The following KARS1 variants were observed in gnomAD, a reference collection of about 807,000 sequenced individuals.
The protein encoded by KARS1 is lysyl-tRNA synthetase 1.
A neutral mutation model predicts 63.9 loss-of-function variants in KARS1; 50 were observed. The ratio of observed to expected loss-of-function variants is 0.78; its 90% CI spans 0.62 to 0.99. The LOEUF (loss-of-function observed/expected upper bound fraction) is 0.99. KARS1 is among the 50% of genes least tolerant of loss of function. The probability of loss-of-function intolerance (pLI) is 0.00; values close to 1 mark genes in which losing one functional copy is unlikely to be tolerated. For missense variants in KARS1, 816 were observed against 754.5 expected (o/e 1.08, Z -0.95); for synonymous variants, 320 against 264.6 (o/e 1.21, Z -2.03).
In KARS1 at chr16:75,636,041, G is replaced by T; in HGVS notation, c.540C>A (p.Asp180Glu). 1 of 1,609,358 alleles carries T rather than the reference G, an allele frequency of 6.2e-7. No individual in the cohort carries two copies. The highest frequency in any genetic ancestry group is 8.5e-7 in the Non-Finnish European group (1 of 1,175,726). ...IHINNKLRRGDIIGVQGNPGK... is the reference protein window; with the variant it reads ...IHINNKLRRGEIIGVQGNPGK... ...CAGGATTCCCCTGAACTCCAATTAT[G>T]TCTCCCCGACGCAGTTTGTTATTAA... The change falls in exon 5 of 14, where the codon GAC (aspartate) becomes GAA (glutamate). Residue 180 changes from aspartate to glutamate, a missense_variant. Coordinates refer to ENST00000302445, the MANE Select transcript of KARS1 (RefSeq NM_005548.3).
intron 2 of KARS1, 105 bp from the exon 3 acceptor site, chr16:75,640,454 C>A: frequency 9.4e-7 from 1 of 1,059,916 alleles, no homozygotes. Context: ...GACCCCAATA[C>A]ATTGTTTTCT....
chr16:75,645,641 G>C (rs2082272278), intron 1 of KARS1, among the ~76,000 whole-genome samples: 1 of 152,138 alleles, frequency 6.6e-6, no homozygotes, highest in African/African-American at 2.4e-5. Flanking sequence ...GAGCTCAGCA[G>C]TTTGACGCCA....
Position 75,635,710 on chromosome 16 carries a change from T to C in KARS1, c.765A>G (p.Arg255=). 6.2e-7 allele frequency: 1 copy of C among 1,614,110 alleles called. No individual in the cohort carries two copies. Among genetic ancestry groups the C allele is most frequent in the Non-Finnish European group, 8.5e-7 (1 of 1,179,986 alleles). ...GGAATCCCAGCTCATCTAAGAAACT[T>C]CTTATATATGTGATGATCTTAGAGC... The part of the protein sequence containing the change: ...IIRSKIITYI[R]SFLDELGFLE... The change falls in exon 6 of 14, where the codon AGA becomes AGG. Residue 255 remains arginine, a synonymous_variant. Coordinates refer to ENST00000302445, the MANE Select transcript of KARS1 (RefSeq NM_005548.3).
At chr16:75,646,943 A>C (rs907408098) in intron 1 of KARS1, among the ~76,000 whole-genome samples, 3 of 152,206 alleles carry the variant, frequency 2.0e-5, no homozygotes, top group African/African-American at 7.2e-5. Context: ...AAGGGTGGCT[A>C]ATCCTGACTT....
intron 6 of KARS1, chr16:75,635,288 G>T: frequency 3.2e-6 from 1 of 311,748 alleles, no homozygotes; most frequent in Non-Finnish European, 6.3e-6. Flanking sequence ...GTTTGGGTAG[G>T]GAAGTTAGTC....
chr16:75,647,631 G>T lies in KARS1; in HGVS notation c.9C>A (p.Ala3=). Residue 3 remains alanine, a synonymous_variant, in exon 1 of 14, where the codon GCC becomes GCA. Transcript: ENST00000302445. ...CCACTTTCACCTCGGCCGCCTGCAC[G>T]GCCGCCATCTTCCCGGAGGGCCCGA... The part of the protein sequence containing the change: MA[A]VQAAEVKVDG... The T allele has an allele frequency of 6.2e-7, 1 of 1,613,898 alleles. No individual in the cohort carries two copies. Among genetic ancestry groups the T allele is most frequent in the Non-Finnish European group, 8.5e-7 (1 of 1,179,890 alleles).
intron 1 of KARS1, among the ~76,000 whole-genome samples, chr16:75,644,632 A>G (rs2082261514): frequency 6.6e-6 from 1 of 152,202 alleles, no homozygotes; most frequent in African/African-American, 2.4e-5. Flanking sequence ...CTGTGCTACA[A>G]CTGTAACTGA....
chr16:75,635,095 G>A (rs994508118), intron 6 of KARS1, among the ~76,000 whole-genome samples: 3 of 152,172 alleles, frequency 2.0e-5, no homozygotes, highest in Non-Finnish European at 2.9e-5. Context: ...AAGAGATCCA[G>A]AATATCTTAA....
chr16:75,644,079 T>C (rs1489691439), intron 1 of KARS1, among the ~76,000 whole-genome samples: 1 of 152,240 alleles, frequency 6.6e-6, no homozygotes, highest in African/African-American at 2.4e-5. Flanking sequence ...TAGAATAAGA[T>C]CCACATGTCA....
chr16:75,634,084 T>C (rs1462971920), intron 7 of KARS1, 89 bp downstream of exon 7: 5 of 1,405,004 alleles, frequency 3.6e-6, no homozygotes, highest in Non-Finnish European at 4.0e-6. Context: ...ACTCTCTCTG[T>C]TCCTCTTATT....
chr16:75,633,220 T>C (rs1420472156), intron 7 of KARS1, among the ~76,000 whole-genome samples: 1 of 152,208 alleles, frequency 6.6e-6, no homozygotes, highest in Non-Finnish European at 1.5e-5. Context: ...CAATGACAAA[T>C]ACACCTCTCT....
chr16:75,628,817 A>G lies in KARS1; in HGVS notation c.1552-105T>C, dbSNP rs2082079500. ...AGGTGGGAGTACCATCATTCCAGAG[A>G]TGCTCCTGACACTCAGGACTTGCTG... On this transcript the variant is annotated intron_variant, in intron 12 of 13. Transcript: ENST00000302445. 3.3e-6 allele frequency: 4 copies of G among 1,200,264 alleles called. No homozygotes were observed. In the African/African-American group the frequency reaches 4.5e-5, roughly 13 times the overall value. 74.4% of individuals were successfully genotyped at this position (1,200,264 alleles called of 1,614,324 possible).
In KARS1 at chr16:75,630,424, A is replaced by G; in HGVS notation, c.1423T>C (p.Trp475Arg). The change falls in exon 11 of 14, where the codon TGG becomes CGG. Residue 475 changes from tryptophan to arginine, a missense_variant and splice_region_variant. Coordinates refer to ENST00000302445, the MANE Select transcript of KARS1 (RefSeq NM_005548.3). ...HPQIMSPLAK[W>R]HRSKEGLTER... is the part of the protein sequence containing the mutation. ...AGCAATAGGTAACTGGAATCTTACCATTTAGCCAAAGGGCTCATTATCTGT... is the reference window on the plus strand; with the variant it reads ...AGCAATAGGTAACTGGAATCTTACCGTTTAGCCAAAGGGCTCATTATCTGT... The G allele has an allele frequency of 6.3e-7, 1 of 1,586,192 alleles. No individual in the cohort carries two copies.
At chr16:75,640,682 G>A (rs994053413) in intron 2 of KARS1, among the ~76,000 whole-genome samples, 4 of 152,164 alleles carry the variant, frequency 2.6e-5, no homozygotes, top group South Asian at 2.1e-4. Context: ...AGTCACTTAC[G>A]TTCTTAACTG....
intron 1 of KARS1, chr16:75,644,352 T>A: frequency 6.2e-7 from 1 of 1,611,708 alleles, no homozygotes; most frequent in Non-Finnish European, 8.5e-7. Context: ...CAGTCGCAGT[T>A]CCCTGTGACC....
intron 1 of KARS1, chr16:75,644,257 CAA>C (rs1567505355): frequency 6.4e-7 from 1 of 1,573,952 alleles, no homozygotes; most frequent in East Asian, 2.3e-5. Flanking sequence ...GCTTCCAGAG[CAA>C]TAAAGAAGGT....
chr16:75,634,788 G>C (rs1412424897), intron 6 of KARS1, among the ~76,000 whole-genome samples: 1 of 152,098 alleles, frequency 6.6e-6, no homozygotes, highest in African/African-American at 2.4e-5. Context: ...TGTTAGCCAG[G>C]ATGGTCTCGA....
rs770854965 is a variant in KARS1, at chr16:75,631,769, C to A, written c.1002G>T (p.Glu334Asp). The A allele has an allele frequency of 6.2e-7, 1 of 1,614,210 alleles. No homozygotes were observed. Among genetic ancestry groups the A allele is most frequent in the Non-Finnish European group, 8.5e-7 (1 of 1,180,030 alleles). The stretch of plus-strand genomic sequence containing the variant: ...CCATGTAGAACTCACAGGTGGTGAA[C>A]TCAGGATTGTGCGTCAAATCAATCC... ...NEGIDLTHNP[E>D]FTTCEFYMAY... Residue 334 changes from glutamate (E) to aspartate (D), a missense_variant, in exon 8 of 14, where the codon GAG (glutamate) becomes GAT (aspartate). Coordinates refer to ENST00000302445, the MANE Select transcript of KARS1 (RefSeq NM_005548.3).
chr16:75,632,122 T>G (rs947824748), intron 7 of KARS1, among the ~76,000 whole-genome samples: 14 of 152,148 alleles, frequency 9.2e-5, no homozygotes, highest in African/African-American at 3.4e-4. Context: ...ACTCCCGACC[T>G]CAGGTGATCT....
Sources: allele counts gnomAD v4.1 joint callset (sites outside exome capture counted in the v4.1 genomes callset), GRCh38; gene constraint gnomAD v4.1.1; transcripts MANE v1.5; gene names NCBI Gene and HGNC (gene_info 2026-07-23, HGNC 2026-07-21).